The following TRIM23 variants were observed in gnomAD, a reference collection of about 807,000 sequenced individuals.
TRIM23 encodes E3 ubiquitin-protein ligase TRIM23.
A neutral mutation model predicts 71.0 loss-of-function variants in TRIM23; 27 were observed. The ratio of observed to expected loss-of-function variants is 0.38; its 90% confidence interval spans 0.28 to 0.52. TRIM23 has a LOEUF of 0.52. TRIM23 is among the 20% of genes least tolerant of loss of function. TRIM23 has a pLI of 0.84. For missense variants in TRIM23, 482 were observed against 692.3 expected (o/e 0.70, Z 3.41); for synonymous variants, 234 against 238.0 (o/e 0.98, Z 0.16).
At chr5:65,607,715 G>GAACAA (rs1208933096) in intron 6 of TRIM23, among the ~76,000 whole-genome samples, 1 of 152,120 alleles carries the variant, frequency 6.6e-6, no homozygotes, top group Non-Finnish European at 1.5e-5. Context: ...CAGTAACTAT[G>GAACAA]AACAAACTTT....
Position 65,614,085 on chromosome 5 carries a change from G to C in TRIM23, c.366+13C>G, listed in dbSNP as rs377059792. The C allele has an allele frequency of 3.7e-6, 6 of 1,610,296 alleles. No individual in the cohort carries two copies. The African/African-American group carries it at 8.0e-5, about 22-fold the overall frequency. On this transcript the variant is annotated intron_variant, in intron 3 of 10. Transcript: ENST00000231524. The stretch of plus-strand genomic sequence containing the variant: ...ATGCTCGTAACAAATATTTCACCAA[G>C]TATGATCAATACCTCTCCAGATATC...
intron 9 of TRIM23, 144 bp from the exon 10 acceptor site, chr5:65,594,789 C>G (rs1581174382): frequency 3.0e-6 from 2 of 665,280 alleles, no homozygotes; most frequent in East Asian, 6.4e-5. Context: ...CCTAGTATGG[C>G]AGGGGCACCT....
chr5:65,601,252 C>T (rs1433184724), intron 7 of TRIM23, among the ~76,000 whole-genome samples: 1 of 152,160 alleles, frequency 6.6e-6, no homozygotes, highest in Non-Finnish European at 1.5e-5. Flanking sequence ...AAGTTTCCAT[C>T]AACAGATGAA....
chr5:65,621,789 A>C (rs937891390), intron 1 of TRIM23, among the ~76,000 whole-genome samples: 1 of 88,872 alleles, frequency 1.1e-5, no homozygotes, highest in African/African-American at 4.7e-5. Flanking sequence ...ATCAAACTGT[A>C]ATCAATCAGA....
intron 2 of TRIM23, among the ~76,000 whole-genome samples, chr5:65,616,210 G>C (rs1754774766): frequency 6.6e-6 from 1 of 152,190 alleles, no homozygotes; most frequent in South Asian, 2.1e-4. Flanking sequence ...GAGAAATTCT[G>C]ATTCAGGATT....
In TRIM23 at chr5:65,621,994, AT is replaced by A. The variant is rs1284065379; in HGVS notation, c.81+2199del. ...AGGCATGTGCCACTACGCCTGGCTA[AT>A]TTTTTTTTATTATTATTTGTAGAGA... is the stretch of plus-strand genomic sequence containing the variant. On this transcript the variant is annotated intron_variant, in intron 1 of 10. Coordinates refer to ENST00000231524, the MANE Select transcript of TRIM23 (RefSeq NM_001656.4). Among the ~76,000 whole-genome samples the A allele has an allele frequency of 8.6e-5, 13 of 150,876 alleles. No individual in the cohort carries two copies. The East Asian group carries it at 2.5e-3, about 29-fold the overall frequency.
chr5:65,617,055 T>C (rs576115505), intron 2 of TRIM23, among the ~76,000 whole-genome samples: 1 of 152,266 alleles, frequency 6.6e-6, no homozygotes, highest in Admixed American at 6.5e-5. Context: ...TAGTATGATA[T>C]ATGCATATTT....
rs376655388 is a variant in TRIM23, at chr5:65,604,905, C to T, written c.1179+6G>A. ...AAATACCTAAAAATAAAGTACAGTACATTACCTTTGTAAAAGTGACAGGGA... is the reference window on the plus strand; with the variant it reads ...AAATACCTAAAAATAAAGTACAGTATATTACCTTTGTAAAAGTGACAGGGA... On this transcript the variant is annotated splice_donor_region_variant and intron_variant, in intron 7 of 10. Coordinates refer to ENST00000231524, the MANE Select transcript of TRIM23 (RefSeq NM_001656.4). 6 of 1,611,992 alleles carry T rather than the reference C, an allele frequency of 3.7e-6. No homozygotes were observed. The African/African-American group carries it at 5.3e-5, about 14-fold the overall frequency.
At chr5:65,606,561 T>C (rs1264158447) in intron 6 of TRIM23, among the ~76,000 whole-genome samples, 2 of 152,186 alleles carry the variant, frequency 1.3e-5, no homozygotes, top group East Asian at 1.9e-4. Context: ...TCAGCTCCTA[T>C]TACTCTGTCC....
intron 9 of TRIM23, among the ~76,000 whole-genome samples, chr5:65,595,286 G>A (rs1033753244): frequency 4.6e-5 from 7 of 151,732 alleles, no homozygotes; most frequent in East Asian, 1.9e-4. Flanking sequence ...GGCCGGGCGC[G>A]GTGGCTCGTG....
intron 3 of TRIM23, 133 bp downstream of exon 3, chr5:65,613,963 CTG>C: frequency 6.5e-7 from 1 of 1,530,878 alleles, no homozygotes; most frequent in Non-Finnish European, 8.8e-7. Flanking sequence ...GCCTTCAGAA[CTG>C]TAATGTAATG....
chr5:65,623,232 A>G (rs1421504267), intron 1 of TRIM23, among the ~76,000 whole-genome samples: 1 of 152,222 alleles, frequency 6.6e-6, no homozygotes, highest in Non-Finnish European at 1.5e-5. Flanking sequence ...AGTAATTCAT[A>G]ACCCTGGTTG....
At chr5:65,615,244 G>T (rs1443818092) in intron 2 of TRIM23, among the ~76,000 whole-genome samples, 1 of 152,034 alleles carries the variant, frequency 6.6e-6, no homozygotes, top group African/African-American at 2.4e-5. Context: ...TTTTGTCATT[G>T]ACTTTTACTA....
At chr5:65,594,363 C>T (rs1461353724) in intron 10 of TRIM23, among the ~76,000 whole-genome samples, 158 bp downstream of exon 10, 1 of 152,144 alleles carries the variant, frequency 6.6e-6, no homozygotes, top group African/African-American at 2.4e-5. Flanking sequence ...TGTATACTCC[C>T]AGGTACCCAG....
chr5:65,606,690 C>T lies in TRIM23; in HGVS notation c.1045-1645G>A, dbSNP rs369158735. Among the ~76,000 whole-genome samples the T allele has an allele frequency of 1.5e-4, 23 of 152,282 alleles. No individual in the cohort carries two copies. The South Asian group carries it at 3.1e-3, about 21-fold the overall frequency. On this transcript the variant is annotated intron_variant, in intron 6 of 10. Transcript: ENST00000231524. ...AACTACAATGTTCTTCTCCCAGTTACGGCCTGAACGAATTCCTTCAACTTT... is the reference window on the plus strand; with the variant it reads ...AACTACAATGTTCTTCTCCCAGTTATGGCCTGAACGAATTCCTTCAACTTT...
intron 9 of TRIM23, among the ~76,000 whole-genome samples, chr5:65,595,725 CAAAAAA>C (rs34644834): frequency 6.7e-6 from 1 of 149,148 alleles, no homozygotes; most frequent in African/African-American, 2.5e-5. Flanking sequence ...GATTCTGTCT[CAAAAAA>C]AAAATACATT....
intron 1 of TRIM23, among the ~76,000 whole-genome samples, chr5:65,619,116 C>G (rs1209975516): frequency 6.6e-6 from 1 of 152,168 alleles, no homozygotes; most frequent in Non-Finnish European, 1.5e-5. Flanking sequence ...ACCTCAAACT[C>G]CTGTCATTCA....
At position 65,614,078 on chromosome 5, in the gene TRIM23, T is replaced by C. The variant is rs373399529; in HGVS notation, c.366+20A>G. The C allele has an allele frequency of 2.5e-6, 4 of 1,603,620 alleles. No individual in the cohort carries two copies. The highest frequency in any genetic ancestry group is 3.4e-6 in the Non-Finnish European group (4 of 1,176,204). On this transcript the variant is annotated intron_variant, in intron 3 of 10. Transcript: ENST00000231524. ...AAAATTCATGCTCGTAACAAATATT[T>C]CACCAAGTATGATCAATACCTCTCC...
At chr5:65,608,066 C>T (rs1754553060) in intron 6 of TRIM23, among the ~76,000 whole-genome samples, 1 of 152,180 alleles carries the variant, frequency 6.6e-6, no homozygotes, top group African/African-American at 2.4e-5. Context: ...TTAAAAGGAA[C>T]TCTGAGGTAT....
Sources: gnomAD v4.1 joint callset for allele counts (sites outside exome capture counted in the v4.1 genomes callset) on GRCh38, gnomAD v4.1.1 for gene constraint, MANE v1.5 for transcripts, NCBI Gene and HGNC (gene_info 2026-07-23, HGNC 2026-07-21) for gene names.